The following CDH13 variants were observed in gnomAD, a reference collection of about 807,000 sequenced individuals.
The protein encoded by CDH13 is cadherin-13.
Under a neutral mutation model 63.8 loss-of-function variants are expected in CDH13, and 24 were observed. That is an observed-to-expected ratio of 0.38 (90% CI 0.27 to 0.53). The LOEUF (loss-of-function observed/expected upper bound fraction) is 0.53. CDH13 is among the 20% of genes least tolerant of loss of function. The pLI is 0.85. For synonymous variants in CDH13, 503 were observed against 355.3 expected, an observed-to-expected ratio of 1.42 and a Z score of -4.67; for missense variants, 1,049 against 903.1, an observed-to-expected ratio of 1.16 and a Z score of -2.07.
intron 2 of CDH13, among the ~76,000 whole-genome samples, chr16:83,030,809 A>G (rs567162924): frequency 2.0e-5 from 3 of 151,998 alleles, no homozygotes; most frequent in South Asian, 4.2e-4. Context: ...GCTTTTCCCA[A>G]CTTGTTTCCC....
At chr16:83,445,127 ACCT>A (rs2072637315) in intron 6 of CDH13, among the ~76,000 whole-genome samples, 1 of 151,966 alleles carries the variant, frequency 6.6e-6, no homozygotes, top group African/African-American at 2.4e-5. Context: ...CACAGGTGTG[ACCT>A]CCTTCCATGC....
At chr16:83,085,943 C>T (rs2033564267) in intron 3 of CDH13, among the ~76,000 whole-genome samples, 1 of 152,120 alleles carries the variant, frequency 6.6e-6, no homozygotes, top group South Asian at 2.1e-4. Flanking sequence ...TCATGAAATA[C>T]TATGTTAGTG....
At chr16:82,635,788 C>T (rs949994544) in intron 1 of CDH13, among the ~76,000 whole-genome samples, 1 of 152,078 alleles carries the variant, frequency 6.6e-6, no homozygotes, top group Non-Finnish European at 1.5e-5. Flanking sequence ...GGAGGTGAAG[C>T]CCAGTGGGAG....
chr16:82,860,392 G>GT lies in CDH13; in HGVS notation c.157+1919_157+1920insT, dbSNP rs1411310758. Among the ~76,000 whole-genome samples the GT allele has an allele frequency of 1.5e-5, 2 of 132,222 alleles. 1 individual carries two copies. The highest frequency in any genetic ancestry group is 3.3e-5 in the Non-Finnish European group (2 of 61,246). 86.7% of individuals were successfully genotyped at this position (132,222 alleles called of 152,430 possible). On this transcript the variant is annotated intron_variant, in intron 2 of 13. Transcript: ENST00000567109. The stretch of plus-strand genomic sequence containing the variant: ...TCACAGTTGTGTGTGTGTGTGTGGG[G>GT]GGGGGGGCGGCGGTGTGCGTGTGTG...
intron 1 of CDH13, among the ~76,000 whole-genome samples, chr16:82,690,199 C>T (rs1244280201): frequency 6.7e-6 from 1 of 149,652 alleles, no homozygotes; most frequent in Non-Finnish European, 1.5e-5. Context: ...TTCTCATGAC[C>T]CCGGGTGGGT....
chr16:83,373,905 G>C (rs192321732), intron 6 of CDH13, among the ~76,000 whole-genome samples: 110 of 152,244 alleles, frequency 7.2e-4, no homozygotes, highest in Non-Finnish European at 1.2e-3. Flanking sequence ...ACATCCAACC[G>C]CAGGCAACCC....
At chr16:82,680,482 G>A (rs993058015) in intron 1 of CDH13, among the ~76,000 whole-genome samples, 1 of 139,360 alleles carries the variant, frequency 7.2e-6, no homozygotes, top group African/African-American at 2.7e-5. Flanking sequence ...TCTGGTCTGG[G>A]AAGTGGGGCT....
intron 1 of CDH13, among the ~76,000 whole-genome samples, chr16:82,759,713 G>T (rs2151081646): frequency 6.6e-6 from 1 of 152,062 alleles, no homozygotes; most frequent in African/African-American, 2.4e-5. Flanking sequence ...ATAGCTGAAT[G>T]CAGCACACCT....
intron 3 of CDH13, among the ~76,000 whole-genome samples, chr16:83,053,871 C>G (rs76509495): frequency 0.025 from 3,857 of 152,270 alleles, 161 homozygotes; most frequent in African/African-American, 0.086. Flanking sequence ...CCTGAAACCT[C>G]TGATAGTAGC....
intron 4 of CDH13, among the ~76,000 whole-genome samples, chr16:83,174,988 G>A (rs2038069918): frequency 6.6e-6 from 1 of 152,036 alleles, no homozygotes; most frequent in Non-Finnish European, 1.5e-5. Context: ...CTGACACATG[G>A]GGATTAAAAT....
intron 7 of CDH13, among the ~76,000 whole-genome samples, chr16:83,487,784 C>A (rs573049686): frequency 6.6e-6 from 1 of 152,178 alleles, no homozygotes; most frequent in Admixed American, 6.5e-5. Flanking sequence ...GTGCATTTCC[C>A]CCTCAGTGTT....
chr16:83,067,664 G>C (rs1387404151), intron 3 of CDH13, among the ~76,000 whole-genome samples: 1 of 152,188 alleles, frequency 6.6e-6, no homozygotes, highest in Non-Finnish European at 1.5e-5. Flanking sequence ...ATTTATTATA[G>C]TCAAGGGAAA....
At chr16:83,714,816 A>G (rs1232646069) in intron 10 of CDH13, among the ~76,000 whole-genome samples, 1 of 152,106 alleles carries the variant, frequency 6.6e-6, no homozygotes, top group Non-Finnish European at 1.5e-5. Context: ...GAGGGTTCTG[A>G]TGATACTCAT....
chr16:82,933,537 A>G (rs1364584614), intron 2 of CDH13, among the ~76,000 whole-genome samples: 4 of 152,172 alleles, frequency 2.6e-5, no homozygotes, highest in African/African-American at 9.7e-5. Context: ...CATGTTTCTC[A>G]CATTTCAAAA....
intron 1 of CDH13, among the ~76,000 whole-genome samples, chr16:82,794,600 C>G (rs1054287108): frequency 7.9e-5 from 12 of 151,992 alleles, no homozygotes; most frequent in African/African-American, 2.2e-4. Context: ...AAATATTTGA[C>G]GACAACGGAA....
intron 1 of CDH13, among the ~76,000 whole-genome samples, chr16:82,680,726 C>T (rs758639179): frequency 1.1e-4 from 16 of 152,182 alleles, no homozygotes; most frequent in East Asian, 3.9e-4. Flanking sequence ...GGAAAACTAA[C>T]GAAGGAACTT....
chr16:83,498,951 G>GA (rs1327277143), intron 7 of CDH13, among the ~76,000 whole-genome samples: 2 of 152,162 alleles, frequency 1.3e-5, no homozygotes, highest in Non-Finnish European at 1.5e-5. Flanking sequence ...CCCTTGGGGG[G>GA]AAATGCAAAT....
At chr16:83,636,760 C>T (rs776668579) in intron 8 of CDH13, among the ~76,000 whole-genome samples, 5 of 152,120 alleles carry the variant, frequency 3.3e-5, no homozygotes, top group African/African-American at 4.8e-5. Context: ...ACCTATTTTC[C>T]TTTGAGTATC....
chr16:83,652,029 G>A (rs1177048278), intron 8 of CDH13, among the ~76,000 whole-genome samples: 1 of 152,132 alleles, frequency 6.6e-6, no homozygotes, highest in African/African-American at 2.4e-5. Context: ...TTATCTCATT[G>A]AGCCTGATTC....
Sources: allele counts gnomAD v4.1 joint callset (sites outside exome capture counted in the v4.1 genomes callset), GRCh38; gene constraint gnomAD v4.1.1; transcripts MANE v1.5; gene names NCBI Gene and HGNC (gene_info 2026-07-23, HGNC 2026-07-21).